The following OLFM1 variants were observed in gnomAD, a reference collection of about 807,000 sequenced individuals.
OLFM1 encodes the protein olfactomedin 1.
A neutral mutation model predicts 49.7 loss-of-function variants in OLFM1; 9 were observed. The observed-to-expected ratio is 0.18, with a 90% CI of 0.11 to 0.32. The LOEUF is 0.32. Ranked by LOEUF, OLFM1 falls within the 10% of genes least tolerant of loss-of-function variation. The pLI is 1.00. For missense variants in OLFM1, 369 were observed against 661.8 expected (o/e 0.56, Z 4.85); for synonymous variants, 240 against 271.8 (o/e 0.88, Z 1.15).
chr9:135,079,600 G>A (rs528898536), intron 1 of OLFM1, among the ~76,000 whole-genome samples: 127 of 152,140 alleles, frequency 8.3e-4, no homozygotes, highest in African/African-American at 2.8e-3. Flanking sequence ...GCGAGATTCT[G>A]TCTCAAAAAA....
At chr9:135,076,337 C>T in intron 1 of OLFM1, 1 of 1,548,522 alleles carries the variant, frequency 6.5e-7, no homozygotes, top group Middle Eastern at 1.7e-4. Flanking sequence ...CAGCTGTGTG[C>T]ATTGCTGGCT....
At chr9:135,095,768 G>A in intron 2 of OLFM1, 96 bp from the exon 3 acceptor site, 1 of 1,330,436 alleles carries the variant, frequency 7.5e-7, no homozygotes, top group Non-Finnish European at 1.1e-6. Flanking sequence ...CAGTGTGCTG[G>A]CTGTGTGGGA....
At chr9:135,115,486 A>G (rs1329120321) in intron 5 of OLFM1, among the ~76,000 whole-genome samples, 1 of 152,222 alleles carries the variant, frequency 6.6e-6, no homozygotes, top group African/African-American at 2.4e-5. Flanking sequence ...TGGCAGGTTC[A>G]TGGCATGGAC....
chr9:135,104,839 T>A (rs1409158096), intron 4 of OLFM1, among the ~76,000 whole-genome samples: 1 of 152,172 alleles, frequency 6.6e-6, no homozygotes, highest in East Asian at 1.9e-4. Context: ...AGGGCCTTAG[T>A]GAAGCCGCCC....
intron 2 of OLFM1, among the ~76,000 whole-genome samples, chr9:135,090,583 C>G (rs62573438): frequency 0.033 from 5,053 of 151,964 alleles, 163 homozygotes; most frequent in African/African-American, 0.083. Flanking sequence ...TGGGTGGACA[C>G]ACAGGTGGAT....
Position 135,117,561 on chromosome 9 carries a change from G to A in OLFM1, c.784-1943G>A, listed in dbSNP as rs1484560802. On this transcript the variant is annotated intron_variant, in intron 5 of 5. Coordinates refer to ENST00000371793, the MANE Select transcript of OLFM1 (RefSeq NM_001282611.2). This position sits in a 1 kb window ranked among gnomAD's most constrained non-coding sequence, Gnocchi z 5.5. The stretch of plus-strand genomic sequence containing the variant: ...CAGCTGCCTGGGGCTGTGAGCATTT[G>A]CCCTCGGCTAGGCCAGGTGGCTGTG... 1.3e-5 allele frequency among the ~76,000 whole-genome samples: 2 copies of A among 152,208 alleles called. No individual in the cohort carries two copies. Among genetic ancestry groups the A allele is most frequent in the East Asian group, 3.9e-4 (2 of 5,194 alleles).
In OLFM1 at chr9:135,113,850, G is replaced by A. The variant is rs1424093079; in HGVS notation, c.784-5654G>A. 6.6e-6 allele frequency among the ~76,000 whole-genome samples: 1 copy of A among 152,212 alleles called. No homozygotes were observed. On this transcript the variant is annotated intron_variant, in intron 5 of 5. Transcript: ENST00000371793. The surrounding 1 kb of genome is among the most constrained non-coding windows in gnomAD (Gnocchi z 4.0). ...TGCAGGAGCTCCCACAGCCTGGGGGGCACCACAGGGGCTCACTGTCACCCA... is the reference window on the plus strand; with the variant it reads ...TGCAGGAGCTCCCACAGCCTGGGGGACACCACAGGGGCTCACTGTCACCCA...
chr9:135,090,091 G>A, intron 1 of OLFM1, 104 bp from the exon 2 acceptor site: 1 of 1,049,722 alleles, frequency 9.5e-7, no homozygotes, highest in Non-Finnish European at 1.4e-6. Flanking sequence ...TCTTTTCCTT[G>A]GGGGTGGATG....
Position 135,119,863 on chromosome 9 carries a change from G to T in OLFM1, c.1143G>T (p.Arg381Ser), listed in dbSNP as rs1588227039. 6.2e-7 allele frequency: 1 copy of T among 1,613,604 alleles called. No homozygotes were observed. The highest frequency in any genetic ancestry group is 8.5e-7 in the Non-Finnish European group (1 of 1,180,022). Residue 381 changes from arginine (R) to serine (S), a missense_variant, in exon 6 of 6, where the codon AGG becomes AGT. Transcript: ENST00000371793. ...ACGCTGGCAACATCGTGGTCAGTAG[G>T]CTGGACCCCGTGTCCCTGCAGACCC... ...NQNAGNIVVS[R>S]LDPVSLQTLQ...
upstream of OLFM1, among the ~76,000 whole-genome samples, chr9:135,085,381 G>A (rs1346814113): frequency 1.3e-5 from 2 of 152,256 alleles, no homozygotes; most frequent in East Asian, 1.9e-4. Flanking sequence ...TTTATAAGAC[G>A]AGGATGCCAC....
rs1830895489 is a variant in OLFM1 at position 135,103,277 on chromosome 9, A to G, written c.677-3472A>G. Reference sequence around the variant, plus strand: ...ACGCTTTCCTGAACTGCATGTGCCAAGATTCCACTGAGGCTCTGCCATGGG... The same window carrying G: ...ACGCTTTCCTGAACTGCATGTGCCAGGATTCCACTGAGGCTCTGCCATGGG... On this transcript the variant is annotated intron_variant, in intron 4 of 5. Coordinates refer to ENST00000371793, the MANE Select transcript of OLFM1 (RefSeq NM_001282611.2). Among the ~76,000 whole-genome samples the G allele has an allele frequency of 3.3e-5, 5 of 152,188 alleles. No homozygotes were observed. The South Asian group carries it at 1.0e-3, about 32-fold the overall frequency.
intron 5 of OLFM1, among the ~76,000 whole-genome samples, chr9:135,114,841 G>A (rs1242784257): frequency 2.6e-5 from 4 of 152,316 alleles, no homozygotes; most frequent in African/African-American, 9.6e-5. Flanking sequence ...GGAGCTGCCA[G>A]CACCACTGAG....
exon 1 of OLFM1, chr9:135,075,609 G>A (rs992162311): frequency 2.2e-5 from 17 of 776,390 alleles, no homozygotes; most frequent in Admixed American, 4.3e-5. Context: ...GTGGGGACAC[G>A]AGCCAGGCGC....
chr9:135,079,935 C>A (rs1830512314), intron 1 of OLFM1, among the ~76,000 whole-genome samples: 1 of 151,956 alleles, frequency 6.6e-6, no homozygotes, highest in South Asian at 2.1e-4. Flanking sequence ...CGGAGTTGGG[C>A]CAGCTGTTTG....
chr9:135,090,823 T>C (rs189066403), intron 2 of OLFM1, among the ~76,000 whole-genome samples: 260 of 152,346 alleles, frequency 1.7e-3, no homozygotes, highest in African/African-American at 3.9e-3. Flanking sequence ...GAGATCTTTT[T>C]TCTGCCCTTG....
rs1168583478 is a variant in OLFM1, at chr9:135,088,165, G to GCGCGC, written c.150+30_150+31insCCGCG. 24 of 1,309,374 alleles carry GCGCGC rather than the reference G, an allele frequency of 1.8e-5. No homozygotes were observed. The highest frequency in any genetic ancestry group is 2.4e-4 in the Middle Eastern group (1 of 4,094). 81.1% of individuals were successfully genotyped at this position (1,309,374 alleles called of 1,614,324 possible). ...GTAAGTGCGCCCGCCGGCCGCCTTG[G>GCGCGC]CGCGGCTCCTCCTCCTCCTCCTCCT... On this transcript the variant is annotated intron_variant, in intron 1 of 5. Transcript: ENST00000371793. The surrounding 1 kb of genome is among the most constrained non-coding windows in gnomAD (Gnocchi z 4.8).
In OLFM1 at chr9:135,095,987, A is replaced by G; in HGVS notation, c.424A>G (p.Ser142Gly). ...GTCCAAGTTCAAACAGGTGGAGGAGAGTCATAAGCAACACCTGGCCAGGCA... is the reference window on the plus strand; with the variant it reads ...GTCCAAGTTCAAACAGGTGGAGGAGGGTCATAAGCAACACCTGGCCAGGCA... ...LESKFKQVEE[S>G]HKQHLARQFK... Residue 142 changes from serine to glycine, a missense_variant, in exon 3 of 6, where the codon AGT (serine) becomes GGT (glycine). By Grantham distance (56) the Ser-to-Gly change is moderately conservative. Coordinates refer to ENST00000371793, the MANE Select transcript of OLFM1 (RefSeq NM_001282611.2). 1.3e-6 allele frequency: 2 copies of G among 1,506,858 alleles called. No homozygotes were observed. The highest frequency in any genetic ancestry group is 1.8e-6 in the Non-Finnish European group (2 of 1,116,758). The allele number at this position is 1,506,858 out of a possible 1,614,324, so 93.3% of individuals were successfully genotyped here. A position where few individuals can be genotyped will look rare whatever the true frequency, so the allele number is the denominator to read the frequency against.
At chr9:135,106,655 C>T in intron 4 of OLFM1, 94 bp from the exon 5 acceptor site, 1 of 883,500 alleles carries the variant, frequency 1.1e-6, no homozygotes, top group East Asian at 2.7e-5. Context: ...GAAGCCGCCA[C>T]ATGGCACGTG....
At chr9:135,109,112 G>C (rs929824028) in intron 5 of OLFM1, among the ~76,000 whole-genome samples, 2 of 152,086 alleles carry the variant, frequency 1.3e-5, no homozygotes, top group Non-Finnish European at 2.9e-5. Context: ...ACACCCCCCA[G>C]GACTGGACTG....
Sources: allele counts gnomAD v4.1 joint callset (sites outside exome capture counted in the v4.1 genomes callset), GRCh38; gene constraint gnomAD v4.1.1; non-coding constraint Gnocchi (gnomAD v3.1); transcripts MANE v1.5; gene names NCBI Gene and HGNC (gene_info 2026-07-23, HGNC 2026-07-21).